The following ZNF609 variants were observed in gnomAD, a reference collection of about 807,000 sequenced individuals.
ZNF609 encodes the protein zinc finger protein 609.
In ZNF609, 11 loss-of-function variants were observed where a neutral mutation model predicts 109.5. The observed-to-expected ratio is 0.10, with a 90% CI of 0.06 to 0.17. ZNF609 has a LOEUF of 0.17. Ranked by LOEUF, ZNF609 falls within the 10% of genes least tolerant of loss-of-function variation. ZNF609 has a pLI of 1.00. For missense variants in ZNF609, 1,559 were observed against 1,772.4 expected, an observed-to-expected ratio of 0.88 and a Z score of 2.16; for synonymous variants, 646 against 662.0, an observed-to-expected ratio of 0.98 and a Z score of 0.37.
At chr15:64,484,399 C>T (rs996184548) in intron 1 of ZNF609, among the ~76,000 whole-genome samples, 9 of 152,082 alleles carry the variant, frequency 5.9e-5, no homozygotes, top group Non-Finnish European at 1.3e-4. Context: ...GAATCTTGGC[C>T]GGGCACAGTG....
At chr15:64,601,717 G>T (rs1895500979) in intron 2 of ZNF609, among the ~76,000 whole-genome samples, 1 of 152,176 alleles carries the variant, frequency 6.6e-6, no homozygotes, top group East Asian at 1.9e-4. Context: ...CATACCAGAA[G>T]ACTACAGATA....
chr15:64,536,468 C>T (rs1468422265), intron 2 of ZNF609, among the ~76,000 whole-genome samples: 5 of 152,020 alleles, frequency 3.3e-5, no homozygotes, highest in Non-Finnish European at 7.4e-5. Flanking sequence ...AACTAGGGTT[C>T]GTTTCTGTAT....
chr15:64,614,197 A>G (rs972932496), intron 2 of ZNF609, among the ~76,000 whole-genome samples: 2 of 150,918 alleles, frequency 1.3e-5, no homozygotes, highest in Admixed American at 1.3e-4. Flanking sequence ...CTGGGATTAC[A>G]GGTGTGAGCC....
At chr15:64,481,048 G>A (rs1381352235) in intron 1 of ZNF609, among the ~76,000 whole-genome samples, 5 of 152,116 alleles carry the variant, frequency 3.3e-5, no homozygotes, top group Non-Finnish European at 5.9e-5. Flanking sequence ...TAATTATACC[G>A]TGATTAAGTT....
chr15:64,656,897 C>G (rs1199264546), intron 3 of ZNF609, among the ~76,000 whole-genome samples: 2 of 152,142 alleles, frequency 1.3e-5, no homozygotes, highest in South Asian at 2.1e-4. Flanking sequence ...ACACAACTTT[C>G]CATTCAGTAG....
At chr15:64,603,460 G>T (rs1405918421) in intron 2 of ZNF609, among the ~76,000 whole-genome samples, 1 of 151,324 alleles carries the variant, frequency 6.6e-6, no homozygotes, top group Non-Finnish European at 1.5e-5. Context: ...GTAGAGATTG[G>T]GTTTCTCCAT....
At position 64,577,008 on chromosome 15, in the gene ZNF609, G is replaced by GTATATATAAACATAAATATATA. The variant is rs1567019051; in HGVS notation, c.748-45816_748-45815insATATAAACATAAATATATATAT. 1.8e-5 allele frequency among the ~76,000 whole-genome samples: 2 copies of GTATATATAAACATAAATATATA among 112,332 alleles called. 1 individual carries two copies. Among genetic ancestry groups the GTATATATAAACATAAATATATA allele is most frequent in the Non-Finnish European group, 3.7e-5 (2 of 53,580 alleles). The allele number at this position is 112,332 out of a possible 152,430, so 73.7% of individuals were successfully genotyped here. On this transcript the variant is annotated intron_variant, in intron 2 of 9. Transcript: ENST00000326648. ...TATGTATACACATAAATATATATAT[G>GTATATATAAACATAAATATATA]TATGTATACACATAAATATATATAT...
intron 2 of ZNF609, among the ~76,000 whole-genome samples, chr15:64,565,058 T>C: frequency 7.2e-6 from 1 of 138,450 alleles, no homozygotes; most frequent in Non-Finnish European, 1.6e-5. Flanking sequence ...TTTTTTTTTC[T>C]TTTTTTTTTT....
Position 64,675,788 on chromosome 15 carries a change from C to T in ZNF609, c.2934C>T (p.Ala978=), listed in dbSNP as rs778840531. The T allele has an allele frequency of 2.5e-6, 4 of 1,614,112 alleles. No individual in the cohort carries two copies. The highest frequency in any genetic ancestry group is 1.7e-5 in the Admixed American group (1 of 60,008). Reference sequence around the variant, plus strand: ...AGTCCCTGTACTACAACCAGTATGCCTATGTACCCCCCTATGGCTACAGCG... The same window carrying T: ...AGTCCCTGTACTACAACCAGTATGCTTATGTACCCCCCTATGGCTACAGCG... ...YMQSLYYNQY[A]YVPPYGYSDQ... Residue 978 remains alanine, a synonymous_variant, in exon 5 of 10, where the codon GCC becomes GCT. Transcript: ENST00000326648.
chr15:64,470,055 G>A (rs560463461), intron 1 of ZNF609, among the ~76,000 whole-genome samples: 2 of 152,238 alleles, frequency 1.3e-5, no homozygotes, highest in Admixed American at 1.3e-4. Context: ...TTGGGACTGA[G>A]TACAAGTTGA....
intron 1 of ZNF609, among the ~76,000 whole-genome samples, chr15:64,467,738 G>A (rs1199991120): frequency 6.6e-6 from 1 of 152,114 alleles, no homozygotes; most frequent in Non-Finnish European, 1.5e-5. Context: ...CCAGCTACTC[G>A]GGAGGCTGAG....
At chr15:64,533,374 T>G (rs79995843) in intron 2 of ZNF609, among the ~76,000 whole-genome samples, 4,480 of 152,286 alleles carry the variant, frequency 0.029, 235 homozygotes, top group African/African-American at 0.1. Context: ...TATATAGTTT[T>G]CAATCAGTGT....
intron 1 of ZNF609, among the ~76,000 whole-genome samples, chr15:64,475,130 C>T (rs1158703412): frequency 7.6e-6 from 1 of 131,994 alleles, no homozygotes; most frequent in Non-Finnish European, 1.6e-5. Context: ...TACAGCTATT[C>T]CTCTAAGTTA....
intron 3 of ZNF609, among the ~76,000 whole-genome samples, chr15:64,669,606 TG>T (rs1218631500): frequency 6.6e-6 from 1 of 152,170 alleles, no homozygotes. Flanking sequence ...GGTTGAGGTG[TG>T]GGGACTACCT....
intron 3 of ZNF609, among the ~76,000 whole-genome samples, chr15:64,658,449 A>T (rs1383901672): frequency 6.6e-6 from 1 of 152,052 alleles, no homozygotes; most frequent in East Asian, 1.9e-4. Context: ...CACCCTCCTC[A>T]GCCTCCCAAA....
chr15:64,593,611 C>T (rs1380663164), intron 2 of ZNF609, among the ~76,000 whole-genome samples: 1 of 152,128 alleles, frequency 6.6e-6, no homozygotes, highest in Non-Finnish European at 1.5e-5. Flanking sequence ...ACTGCAACCT[C>T]CGCCTCCCAG....
chr15:64,603,585 A>G (rs1489539883), intron 2 of ZNF609, among the ~76,000 whole-genome samples: 2 of 151,682 alleles, frequency 1.3e-5, no homozygotes, highest in African/African-American at 4.8e-5. Context: ...GCCTTTCTTT[A>G]TCATGACAAG....
chr15:64,499,277 A>C lies in ZNF609; in HGVS notation c.-127-16A>C, dbSNP rs1893523989. ...TATTGTTTCTTTTAACAGCTTTTTAAATTTTCTTTTTCCAGCAATGATGTT... is the reference window on the plus strand; with the variant it reads ...TATTGTTTCTTTTAACAGCTTTTTACATTTTCTTTTTCCAGCAATGATGTT... On this transcript the variant is annotated splice_polypyrimidine_tract_variant and intron_variant, in intron 1 of 9. Transcript: ENST00000326648. 2 of 1,140,082 alleles carry C rather than the reference A, an allele frequency of 1.8e-6. No individual in the cohort carries two copies. Among genetic ancestry groups the C allele is most frequent in the Non-Finnish European group, 2.4e-6 (2 of 821,952 alleles). The allele number at this position is 1,140,082 out of a possible 1,614,324, so 70.6% of individuals were successfully genotyped here. A position where few individuals can be genotyped will look rare whatever the true frequency, so the allele number is the denominator to read the frequency against.
At chr15:64,625,417 G>A (rs1895936906) in intron 3 of ZNF609, among the ~76,000 whole-genome samples, 1 of 152,114 alleles carries the variant, frequency 6.6e-6, no homozygotes, top group Non-Finnish European at 1.5e-5. Flanking sequence ...CTACTTGGGA[G>A]GCTGAGGCAG....
Sources: gnomAD v4.1 joint callset for allele counts (sites outside exome capture counted in the v4.1 genomes callset) on GRCh38, gnomAD v4.1.1 for gene constraint, MANE v1.5 for transcripts, NCBI Gene and HGNC (gene_info 2026-07-23, HGNC 2026-07-21) for gene names.